Variants in ABLIM3 observed in about 807,000 individuals in gnomAD.
The protein encoded by ABLIM3 is actin binding LIM protein family member 3.
ABLIM3 carries 61 observed loss-of-function variants against 109.5 expected under a neutral mutation model. The ratio of observed to expected loss-of-function variants is 0.56; its 90% CI spans 0.45 to 0.69. The LOEUF (loss-of-function observed/expected upper bound fraction) is 0.69. Among genes scored for constraint, ABLIM3 ranks in the 30% least tolerant of loss-of-function variants. The pLI is 0.00. For synonymous variants in ABLIM3, 300 were observed against 324.8 expected (o/e 0.92, Z 0.82); for missense variants, 796 against 889.5 (o/e 0.89, Z 1.34).
intron 20 of ABLIM3, among the ~76,000 whole-genome samples, chr5:149,251,131 A>T (rs939567791): frequency 6.6e-6 from 1 of 152,246 alleles, no homozygotes; most frequent in African/African-American, 2.4e-5. Flanking sequence ...GAAAGAAAGC[A>T]TGAAGTGAAA....
intron 5 of ABLIM3, among the ~76,000 whole-genome samples, chr5:149,203,277 A>T (rs1758651770): frequency 6.7e-6 from 1 of 148,302 alleles, no homozygotes; most frequent in Admixed American, 6.7e-5. Flanking sequence ...CCACCAATAC[A>T]ATCACTACCA....
intron 4 of ABLIM3, among the ~76,000 whole-genome samples, chr5:149,199,745 G>A (rs4129567): frequency 0.077 from 11,699 of 152,296 alleles, 547 homozygotes; most frequent in East Asian, 0.17. Context: ...AACAGTAGGC[G>A]TGGTGGTGCC....
chr5:149,226,858 G>A (rs1761337004), intron 8 of ABLIM3, among the ~76,000 whole-genome samples: 1 of 152,070 alleles, frequency 6.6e-6, no homozygotes, highest in East Asian at 1.9e-4. Flanking sequence ...ATCACCTGAG[G>A]TTGGGAGTTT....
Position 149,259,150 on chromosome 5 carries a change from G to T in ABLIM3, c.*746G>T. 2.9e-6 allele frequency: 3 copies of T among 1,019,246 alleles called. No homozygotes were observed. 63.1% of individuals were successfully genotyped at this position (1,019,246 alleles called of 1,614,324 possible). A position where few individuals can be genotyped will look rare whatever the true frequency, so the allele number is the denominator to read the frequency against. On this transcript the variant is annotated 3_prime_UTR_variant, in exon 24 of 24. Coordinates refer to ENST00000309868, the MANE Select transcript of ABLIM3 (RefSeq NM_014945.5). ...TGCCTGACCTGGACTTGGAGAACCA[G>T]AGGAAAAGAGAGGGAGCGGAAGTGG...
intron 14 of ABLIM3, among the ~76,000 whole-genome samples, chr5:149,241,365 A>G (rs190116473): frequency 9.3e-4 from 141 of 152,366 alleles, no homozygotes; most frequent in Middle Eastern, 3.4e-3. Flanking sequence ...TGCCATAAAC[A>G]TAAATAAAAC....
chr5:149,230,579 AG>A, intron 8 of ABLIM3, 69 bp from the exon 9 acceptor site: 1 of 1,527,266 alleles, frequency 6.5e-7, no homozygotes, highest in African/African-American at 1.4e-5. Flanking sequence ...GAGTGAATCA[AG>A]GTGGGACATG....
intron 3 of ABLIM3, among the ~76,000 whole-genome samples, chr5:149,184,782 C>T (rs556083303): frequency 5.9e-5 from 9 of 152,208 alleles, no homozygotes; most frequent in Non-Finnish European, 1.3e-4. Context: ...CAGTCTCATG[C>T]ACCTGAGAGT....
chr5:149,221,985 C>T (rs1206592938), intron 8 of ABLIM3, among the ~76,000 whole-genome samples: 1 of 152,088 alleles, frequency 6.6e-6, no homozygotes, highest in Non-Finnish European at 1.5e-5. Flanking sequence ...TCGCTGTTAT[C>T]ATTTGTATAT....
chr5:149,153,528 A>C (rs1161329645), intron 2 of ABLIM3, among the ~76,000 whole-genome samples: 1 of 152,224 alleles, frequency 6.6e-6, no homozygotes. Flanking sequence ...ATGTGATTTC[A>C]GGCCATATGG....
chr5:149,208,248 G>A (rs1759187751), intron 6 of ABLIM3, among the ~76,000 whole-genome samples: 1 of 152,118 alleles, frequency 6.6e-6, no homozygotes, highest in Non-Finnish European at 1.5e-5. Flanking sequence ...TCACAGAAAT[G>A]GGAAGGCCAG....
chr5:149,245,380 A>G (rs1753249144), intron 16 of ABLIM3, among the ~76,000 whole-genome samples: 1 of 152,218 alleles, frequency 6.6e-6, no homozygotes, highest in Non-Finnish European at 1.5e-5. Context: ...GGTGGCAAGG[A>G]TGTAACACAG....
At chr5:149,180,947 G>GA (rs1000350090) in intron 2 of ABLIM3, among the ~76,000 whole-genome samples, 1 of 152,074 alleles carries the variant, frequency 6.6e-6, no homozygotes, top group African/African-American at 2.4e-5. Flanking sequence ...AATCCAATTA[G>GA]AAAAAATAAA....
intron 3 of ABLIM3, among the ~76,000 whole-genome samples, chr5:149,185,199 T>C (rs1756845781): frequency 6.6e-6 from 1 of 152,168 alleles, no homozygotes; most frequent in South Asian, 2.1e-4. Context: ...CTGGGAAGTG[T>C]TTCCCAGTTT....
chr5:149,211,541 T>C (rs1392162757), intron 7 of ABLIM3, among the ~76,000 whole-genome samples: 2 of 152,196 alleles, frequency 1.3e-5, no homozygotes, highest in Admixed American at 1.3e-4. Flanking sequence ...ACTCTACTCC[T>C]GCTCAGATTT....
chr5:149,161,766 G>A (rs1754391642), intron 2 of ABLIM3, among the ~76,000 whole-genome samples: 1 of 152,032 alleles, frequency 6.6e-6, no homozygotes, highest in Admixed American at 6.6e-5. Flanking sequence ...AATCTCTTGG[G>A]GTTTCTTGAA....
In ABLIM3 at chr5:149,260,235, A is replaced by G. The variant is rs1348755430; in HGVS notation, c.*1831A>G. On this transcript the variant is annotated 3_prime_UTR_variant, in exon 24 of 24. Transcript: ENST00000309868. ...CCAGAGGGAAGTCTGCTGTGTTCTC[A>G]TGTAGGATGTCAGCCCTCCCTGCAA... 2 of 152,684 alleles carry G rather than the reference A, an allele frequency of 1.3e-5. No individual in the cohort carries two copies. Among genetic ancestry groups the G allele is most frequent in the South Asian group, 2.1e-4 (1 of 4,830 alleles). The allele number at this position is 152,684 out of a possible 1,614,324, so 9.5% of individuals were successfully genotyped here.
chr5:149,179,684 T>C (rs912712198), intron 2 of ABLIM3, among the ~76,000 whole-genome samples: 1 of 152,106 alleles, frequency 6.6e-6, no homozygotes, highest in Non-Finnish European at 1.5e-5. Context: ...GTTTTTGTTG[T>C]CTTTTGTTGT....
chr5:149,243,016 C>G (rs1361370553), intron 15 of ABLIM3, among the ~76,000 whole-genome samples: 1 of 152,202 alleles, frequency 6.6e-6, no homozygotes, highest in Non-Finnish European at 1.5e-5. Context: ...GTAAGTTGTT[C>G]TCAGTCACAG....
chr5:149,175,922 C>T (rs912450815), intron 2 of ABLIM3, among the ~76,000 whole-genome samples: 4 of 152,188 alleles, frequency 2.6e-5, no homozygotes, highest in African/African-American at 9.6e-5. Context: ...GCCAGCAACA[C>T]GCCATGACCA....
Sources: allele counts gnomAD v4.1 joint callset (sites outside exome capture counted in the v4.1 genomes callset), GRCh38; gene constraint gnomAD v4.1.1; transcripts MANE v1.5; gene names NCBI Gene and HGNC (gene_info 2026-07-23, HGNC 2026-07-21).